DPH6: variants seen among roughly 807,000 people sequenced by gnomAD.
DPH6 encodes diphthine--ammonia ligase.
Under a neutral mutation model 38.2 loss-of-function variants are expected in DPH6, and 33 were observed. That is an observed-to-expected ratio of 0.86 (90% CI 0.65 to 1.15). The LOEUF (loss-of-function observed/expected upper bound fraction) is 1.15. DPH6 is among the 50% of genes most tolerant of loss of function. The pLI, the probability that DPH6 is intolerant of heterozygous loss-of-function variation, is 0.00. For synonymous variants in DPH6, 108 were observed against 103.0 expected (o/e 1.05, Z -0.30); for missense variants, 325 against 320.0 (o/e 1.02, Z -0.12).
chr15:35,174,828 T>C, the DPH6 span, among the ~76,000 whole-genome samples: 1 of 152,162 alleles, frequency 6.6e-6, no homozygotes, highest in African/African-American at 2.4e-5. Flanking sequence ...AAAATTAAGG[T>C]GACATGTAGA....
At chr15:35,417,384 AAC>A (rs149916392) in intron 5 of DPH6, among the ~76,000 whole-genome samples, 46,403 of 151,762 alleles carry the variant, frequency 0.31, 7,793 homozygotes, top group African/African-American at 0.45. Flanking sequence ...ACTAGATGAT[AAC>A]ACACAAAGAT....
the DPH6 span, among the ~76,000 whole-genome samples, chr15:35,147,446 G>C: frequency 6.6e-6 from 1 of 152,092 alleles, no homozygotes; most frequent in African/African-American, 2.4e-5. Context: ...AATCTAGTTA[G>C]AAAGAGTAAA....
At chr15:35,514,686 T>C (rs767093280) in intron 3 of DPH6, among the ~76,000 whole-genome samples, 11 of 152,150 alleles carry the variant, frequency 7.2e-5, no homozygotes, top group Admixed American at 2.0e-4. Context: ...CTGCCCTCTA[T>C]TGGGGAAGAC....
chr15:35,306,540 C>G (rs1455218860), intron 3 of DPH6, among the ~76,000 whole-genome samples: 6 of 152,164 alleles, frequency 3.9e-5, no homozygotes, highest in African/African-American at 1.4e-4. Context: ...AAAGACAGAC[C>G]TCTATCAACC....
intron 5 of DPH6, among the ~76,000 whole-genome samples, chr15:35,446,814 T>C (rs777326600): frequency 6.6e-6 from 1 of 152,050 alleles, no homozygotes; most frequent in Non-Finnish European, 1.5e-5. Context: ...TGCTCCTACA[T>C]TGAGTCATCA....
chr15:35,286,092 C>T (rs1193146671), intron 3 of DPH6, among the ~76,000 whole-genome samples: 1 of 151,868 alleles, frequency 6.6e-6, no homozygotes, highest in Non-Finnish European at 1.5e-5. Context: ...TTCATGAATT[C>T]ACCTGTCCTG....
At chr15:35,242,659 C>A (rs1457713277) in intron 3 of DPH6, among the ~76,000 whole-genome samples, 1 of 143,020 alleles carries the variant, frequency 7.0e-6, no homozygotes, top group African/African-American at 2.5e-5. Context: ...GCTCAGCCAC[C>A]AACTTAAAAA....
At chr15:35,231,184 C>T (rs1190908358) in intron 3 of DPH6, among the ~76,000 whole-genome samples, 1 of 152,210 alleles carries the variant, frequency 6.6e-6, no homozygotes, top group African/African-American at 2.4e-5. Context: ...TTGGAGTTCC[C>T]ATCAGTGGGA....
At chr15:35,451,564 T>G (rs2053933386) in intron 4 of DPH6, among the ~76,000 whole-genome samples, 1 of 152,174 alleles carries the variant, frequency 6.6e-6, no homozygotes, top group Admixed American at 6.5e-5. Flanking sequence ...TCTACCACAA[T>G]GCAGAATGTG....
intron 3 of DPH6, among the ~76,000 whole-genome samples, chr15:35,511,542 T>C (rs1292567750): frequency 6.6e-6 from 1 of 152,124 alleles, no homozygotes; most frequent in Non-Finnish European, 1.5e-5. Context: ...CATGTGTTTA[T>C]AGCTGAAAAG....
intron 3 of DPH6, among the ~76,000 whole-genome samples, chr15:35,528,155 T>C (rs1460901067): frequency 1.3e-5 from 2 of 152,196 alleles, no homozygotes; most frequent in Non-Finnish European, 2.9e-5. Context: ...TATCATAGTT[T>C]TGCTTACTTC....
Position 35,467,681 on chromosome 15 carries a change from G to A in DPH6, c.313-12861C>T, listed in dbSNP as rs75127416. Among the ~76,000 whole-genome samples the A allele has an allele frequency of 1.1e-3, 171 of 152,256 alleles. 4 individuals carry two copies. The East Asian group carries it at 0.031, about 28-fold the overall frequency. On this transcript the variant is annotated intron_variant, in intron 3 of 8. Coordinates refer to ENST00000256538, the MANE Select transcript of DPH6 (RefSeq NM_080650.4). ...TTCCTCCTCTACATATCATCCCACC[G>A]GAAGGTCTTCAGGAGTAATGACTGG...
intron 3 of DPH6, among the ~76,000 whole-genome samples, chr15:35,508,220 CA>C (rs761975689): frequency 3.3e-5 from 5 of 152,042 alleles, no homozygotes; most frequent in Non-Finnish European, 7.4e-5. Flanking sequence ...CTTTGCCCAA[CA>C]AATAGCAAAA....
chr15:35,224,115 T>C (rs1224582397), intron 3 of DPH6, among the ~76,000 whole-genome samples: 2 of 144,516 alleles, frequency 1.4e-5, no homozygotes, highest in East Asian at 3.9e-4. Flanking sequence ...TTTTTTTTTT[T>C]TTTTTTTTTG....
chr15:35,380,163 G>A (rs1279845672), intron 7 of DPH6, among the ~76,000 whole-genome samples: 2 of 152,142 alleles, frequency 1.3e-5, no homozygotes, highest in Admixed American at 1.3e-4. Context: ...CCATCTCTTT[G>A]GTTACAGGAA....
At chr15:35,294,628 C>T (rs551950852) in intron 3 of DPH6, among the ~76,000 whole-genome samples, 1 of 152,268 alleles carries the variant, frequency 6.6e-6, no homozygotes, top group East Asian at 1.9e-4. Context: ...TGTGCACCTA[C>T]TACACACTAT....
At chr15:35,295,544 C>T (rs1013873081) in intron 3 of DPH6, among the ~76,000 whole-genome samples, 1 of 152,196 alleles carries the variant, frequency 6.6e-6, no homozygotes, top group Non-Finnish European at 1.5e-5. Flanking sequence ...TTCCTCCATG[C>T]CATTACTCCT....
the DPH6 span, among the ~76,000 whole-genome samples, chr15:35,157,647 C>T: frequency 6.6e-6 from 1 of 152,098 alleles, no homozygotes; most frequent in African/African-American, 2.4e-5. Context: ...TGCTCTTCTG[C>T]TCCTATGCAT....
the DPH6 span, among the ~76,000 whole-genome samples, chr15:35,183,373 G>A: frequency 6.6e-6 from 1 of 152,136 alleles, no homozygotes; most frequent in Non-Finnish European, 1.5e-5. Flanking sequence ...TTCAGCAATT[G>A]CGCCTCTACT....
Sources: allele counts gnomAD v4.1 joint callset (sites outside exome capture counted in the v4.1 genomes callset), GRCh38; gene constraint gnomAD v4.1.1; transcripts MANE v1.5; gene names NCBI Gene and HGNC (gene_info 2026-07-23, HGNC 2026-07-21).